Variants in PLCL1 observed in about 807,000 individuals in gnomAD.
PLCL1 encodes inactive phospholipase C-like protein 1.
A neutral mutation model predicts 84.4 loss-of-function variants in PLCL1; 41 were observed. The ratio of observed to expected loss-of-function variants is 0.49; its 90% CI spans 0.38 to 0.63. The LOEUF (loss-of-function observed/expected upper bound fraction) is 0.63, where lower values mean the gene tolerates loss of function less well. Ranked by LOEUF, PLCL1 falls within the 30% of genes least tolerant of loss-of-function variation. The pLI, the probability that PLCL1 is intolerant of heterozygous loss-of-function variation, is 0.00. For missense variants in PLCL1, 1,206 were observed against 1,367.8 expected, an observed-to-expected ratio of 0.88 and a Z score of 1.87; for synonymous variants, 490 against 488.3, an observed-to-expected ratio of 1.00 and a Z score of -0.05.
intron 3 of PLCL1, 72 bp downstream of exon 3, chr2:198,089,133 G>A: frequency 9.2e-7 from 1 of 1,081,716 alleles, no homozygotes; most frequent in Admixed American, 1.7e-5. Context: ...GGACTCCTCT[G>A]TGGAACTCCA....
At chr2:197,819,127 C>G (rs1019120388) in intron 1 of PLCL1, among the ~76,000 whole-genome samples, 2 of 152,048 alleles carry the variant, frequency 1.3e-5, no homozygotes, top group African/African-American at 4.8e-5. Flanking sequence ...GAAAACCAAC[C>G]CAGTGGGGCC....
chr2:197,973,571 T>C (rs1373685102), intron 1 of PLCL1, among the ~76,000 whole-genome samples: 1 of 152,166 alleles, frequency 6.6e-6, no homozygotes, highest in Non-Finnish European at 1.5e-5. Flanking sequence ...GAGGTAACAT[T>C]TCACTCTTAG....
chr2:197,939,799 C>T (rs550086663), intron 1 of PLCL1, among the ~76,000 whole-genome samples: 37 of 143,306 alleles, frequency 2.6e-4, no homozygotes, highest in African/African-American at 7.8e-4. Flanking sequence ...TGTTTTTAAT[C>T]GGCCACTGTC....
intron 1 of PLCL1, among the ~76,000 whole-genome samples, chr2:197,917,885 A>G (rs1356868704): frequency 6.6e-6 from 1 of 152,200 alleles, no homozygotes; most frequent in East Asian, 1.9e-4. Context: ...AAGAGCTTCC[A>G]ATGGCCAACA....
chr2:197,938,059 A>G (rs933611056), intron 1 of PLCL1, among the ~76,000 whole-genome samples: 3 of 152,180 alleles, frequency 2.0e-5, no homozygotes, highest in Non-Finnish European at 2.9e-5. Context: ...GATCACATCT[A>G]TGTCTCACAG....
intron 1 of PLCL1, among the ~76,000 whole-genome samples, chr2:197,822,311 G>C (rs1223371201): frequency 4.6e-5 from 7 of 152,130 alleles, no homozygotes; most frequent in Admixed American, 4.6e-4. Context: ...TTCATTTTCA[G>C]TCTGCTTTTG....
intron 1 of PLCL1, among the ~76,000 whole-genome samples, chr2:198,049,988 A>G (rs1003603236): frequency 2.0e-5 from 3 of 152,222 alleles, no homozygotes; most frequent in African/African-American, 7.2e-5. Flanking sequence ...AAGACCTTGT[A>G]TGAAAGCTTT....
chr2:197,912,153 A>T (rs1050596752), intron 1 of PLCL1, among the ~76,000 whole-genome samples: 14 of 152,328 alleles, frequency 9.2e-5, no homozygotes, highest in Middle Eastern at 3.4e-3. Flanking sequence ...TGGTTTTCTG[A>T]CTAGGCAAGA....
At chr2:197,879,032 A>T (rs1687784106) in intron 1 of PLCL1, among the ~76,000 whole-genome samples, 1 of 152,204 alleles carries the variant, frequency 6.6e-6, no homozygotes, top group East Asian at 1.9e-4. Flanking sequence ...GCTGAGGGGC[A>T]GTTGTCTTCC....
intron 1 of PLCL1, among the ~76,000 whole-genome samples, chr2:197,950,451 G>A (rs989095706): frequency 6.6e-6 from 1 of 152,058 alleles, no homozygotes; most frequent in Admixed American, 6.6e-5. Context: ...CATGGGTGGG[G>A]CATTTGTTTT....
At chr2:197,874,293 G>A (rs1574925109) in intron 1 of PLCL1, among the ~76,000 whole-genome samples, 2 of 152,044 alleles carry the variant, frequency 1.3e-5, no homozygotes, top group South Asian at 4.2e-4. Context: ...TTTGAAGGCT[G>A]ATGAAATTAT....
At chr2:198,027,434 A>C (rs1202886398) in intron 1 of PLCL1, among the ~76,000 whole-genome samples, 1 of 152,202 alleles carries the variant, frequency 6.6e-6, no homozygotes, top group African/African-American at 2.4e-5. Flanking sequence ...ATTGTACAAC[A>C]TATTGACTAT....
At chr2:197,855,793 T>C (rs548553368) in intron 1 of PLCL1, among the ~76,000 whole-genome samples, 2 of 152,288 alleles carry the variant, frequency 1.3e-5, no homozygotes, top group Admixed American at 1.3e-4. Context: ...ACCTGAATCC[T>C]GATTCAGATG....
chr2:198,090,386 T>C (rs915929412), intron 3 of PLCL1, among the ~76,000 whole-genome samples: 1 of 152,164 alleles, frequency 6.6e-6, no homozygotes, highest in Admixed American at 6.5e-5. Context: ...TTTATGCTTT[T>C]CTGTATTTTT....
At chr2:197,973,691 T>C (rs1416934290) in intron 1 of PLCL1, among the ~76,000 whole-genome samples, 1 of 151,930 alleles carries the variant, frequency 6.6e-6, no homozygotes, top group African/African-American at 2.4e-5. Flanking sequence ...AAGGAAGAAG[T>C]CCAGTGTGGC....
At chr2:198,029,639 T>C (rs1447809443) in intron 1 of PLCL1, among the ~76,000 whole-genome samples, 1 of 152,104 alleles carries the variant, frequency 6.6e-6, no homozygotes, top group Non-Finnish European at 1.5e-5. Flanking sequence ...CTGCAGTGGC[T>C]GATTATTCTT....
Position 197,804,698 on chromosome 2 carries a change from C to A in PLCL1, c.-402C>A. 1 of 159,326 alleles carries A rather than the reference C, an allele frequency of 6.3e-6. No homozygotes were observed. Among genetic ancestry groups the A allele is most frequent in the South Asian group, 1.9e-4 (1 of 5,320 alleles). 9.9% of individuals were successfully genotyped at this position (159,326 alleles called of 1,614,324 possible). On this transcript the variant is annotated 5_prime_UTR_variant, in exon 1 of 6. Transcript: ENST00000428675. ...CCGGCCGCAGTCGCCCGGCTCTGGC[C>A]CCTATCGGGCCGCCGGCGTCCGGGC...
intron 1 of PLCL1, chr2:197,810,235 C>T: frequency 3.7e-6 from 4 of 1,083,048 alleles, no homozygotes; most frequent in Non-Finnish European, 4.9e-6. Context: ...GGTCACATTT[C>T]ACCTTAGAAG....
intron 1 of PLCL1, among the ~76,000 whole-genome samples, chr2:197,933,418 G>T (rs886951826): frequency 3.3e-5 from 5 of 151,520 alleles, no homozygotes; most frequent in Non-Finnish European, 7.4e-5. Context: ...CGCCTGCCAC[G>T]ACGCCCAGCT....
Sources: allele counts gnomAD v4.1 joint callset (sites outside exome capture counted in the v4.1 genomes callset), GRCh38; gene constraint gnomAD v4.1.1; transcripts MANE v1.5; gene names NCBI Gene and HGNC (gene_info 2026-07-23, HGNC 2026-07-21).